CHRM3: variants seen among roughly 807,000 people sequenced by gnomAD.
CHRM3 encodes the protein cholinergic receptor muscarinic 3.
A neutral mutation model predicts 41.8 loss-of-function variants in CHRM3; 11 were observed. That is an observed-to-expected ratio of 0.26 (90% CI 0.17 to 0.44). The LOEUF is 0.44. Among genes scored for constraint, CHRM3 ranks in the 20% least tolerant of loss-of-function variants. The pLI, the probability that CHRM3 is intolerant of heterozygous loss-of-function variation, is 1.00. For missense variants in CHRM3, 571 were observed against 745.4 expected (o/e 0.77, Z 2.72); for synonymous variants, 297 against 301.4 (o/e 0.99, Z 0.15).
chr1:239,555,008 G>A (rs1427014579), intron 3 of CHRM3, among the ~76,000 whole-genome samples: 4 of 152,082 alleles, frequency 2.6e-5, no homozygotes, highest in South Asian at 4.1e-4. Context: ...GATTACAGGC[G>A]TAAGCCACCG....
intron 5 of CHRM3, among the ~76,000 whole-genome samples, chr1:239,810,483 A>G (rs1323533578): frequency 6.6e-6 from 1 of 152,142 alleles, no homozygotes; most frequent in Non-Finnish European, 1.5e-5. Context: ...GCTTCTCAAG[A>G]TCATTGAGGG....
At chr1:239,618,800 C>T (rs1285529277) in intron 3 of CHRM3, among the ~76,000 whole-genome samples, 28 of 139,822 alleles carry the variant, frequency 2.0e-4, no homozygotes, top group Admixed American at 1.7e-3. Flanking sequence ...GCCGAGATCG[C>T]GCCCCTGCAC....
At chr1:239,532,009 CTTT>C (rs34798101) in intron 2 of CHRM3, among the ~76,000 whole-genome samples, 134 of 76,312 alleles carry the variant, frequency 1.8e-3, no homozygotes, top group African/African-American at 6.2e-3. Context: ...TTCCTTCTTT[CTTT>C]TTTTTTTTTT....
chr1:239,718,088 G>A (rs1662573902), intron 5 of CHRM3, among the ~76,000 whole-genome samples: 1 of 151,986 alleles, frequency 6.6e-6, no homozygotes, highest in Non-Finnish European at 1.5e-5. Context: ...AGATGACAGT[G>A]CATGTTATAA....
rs879480870 is a variant in CHRM3 at position 239,642,015 on chromosome 1, C to T, written c.-250+9729C>T. ...GTCTGTAAAGAATTTTATTTCTCCT[C>T]CACTTATGAAGCTTAGTTTGGCTGG... On this transcript the variant is annotated intron_variant, in intron 4 of 6. Coordinates refer to ENST00000676153, the MANE Select transcript of CHRM3 (RefSeq NM_001375978.1). Among the ~76,000 whole-genome samples the T allele has an allele frequency of 3.4e-4, 43 of 126,508 alleles. 4 individuals carry two copies. Among genetic ancestry groups the T allele is most frequent in the African/African-American group, 8.6e-4 (27 of 31,454 alleles). The allele number at this position is 126,508 out of a possible 152,430, so 83.0% of individuals were successfully genotyped here.
intron 4 of CHRM3, among the ~76,000 whole-genome samples, chr1:239,649,638 C>T (rs1672061327): frequency 6.6e-6 from 1 of 151,932 alleles, no homozygotes; most frequent in Admixed American, 6.6e-5. Flanking sequence ...GATATCAAAG[C>T]CTGTTTGTGA....
intron 6 of CHRM3, among the ~76,000 whole-genome samples, chr1:239,871,081 CA>C (rs1676539544): frequency 6.6e-6 from 1 of 152,036 alleles, no homozygotes; most frequent in African/African-American, 2.4e-5. Flanking sequence ...GGAATCACTC[CA>C]AACTAGCGAC....
At chr1:239,679,008 CATAG>C (rs1362671867) in intron 5 of CHRM3, among the ~76,000 whole-genome samples, 3 of 126,678 alleles carry the variant, frequency 2.4e-5, no homozygotes, top group Non-Finnish European at 3.4e-5. Context: ...GAGTATGTAA[CATAG>C]ATAGGTAGAT....
intron 4 of CHRM3, among the ~76,000 whole-genome samples, chr1:239,658,557 A>G (rs187450600): frequency 1.4e-3 from 208 of 152,290 alleles, no homozygotes; most frequent in South Asian, 4.2e-3. Context: ...CAGACTTTAC[A>G]TCTTGATTAT....
chr1:239,801,041 A>G (rs1463064272), intron 5 of CHRM3, among the ~76,000 whole-genome samples: 1 of 152,174 alleles, frequency 6.6e-6, no homozygotes, highest in Non-Finnish European at 1.5e-5. Context: ...TAATGAGGAA[A>G]CGGGGTGCCA....
chr1:239,646,078 A>T (rs1451508083), intron 4 of CHRM3, among the ~76,000 whole-genome samples: 2 of 152,220 alleles, frequency 1.3e-5, no homozygotes, highest in African/African-American at 4.8e-5. Context: ...GAAAAAAAGA[A>T]CTTACAATTT....
rs570640305 is a variant in CHRM3 at position 239,769,318 on chromosome 1, A to G, written c.-146-57934A>G. Among the ~76,000 whole-genome samples the G allele has an allele frequency of 7.2e-5, 11 of 152,310 alleles. No homozygotes were observed. In the East Asian group the frequency reaches 2.1e-3, roughly 29 times the overall value. On this transcript the variant is annotated intron_variant, in intron 5 of 6. Coordinates refer to ENST00000676153, the MANE Select transcript of CHRM3 (RefSeq NM_001375978.1). ...GGATATGATCTCAAAGGTCTCAGGC[A>G]AAGGCATTGATGTTATTGTTATGTC...
chr1:239,896,566 C>T (rs6684778), intron 6 of CHRM3, among the ~76,000 whole-genome samples: 30,745 of 152,018 alleles, frequency 0.2, 4,892 homozygotes, highest in African/African-American at 0.44. Flanking sequence ...TGGAGTTTGC[C>T]TCATTAATTA....
At chr1:239,836,704 G>A (rs974475469) in intron 6 of CHRM3, among the ~76,000 whole-genome samples, 8 of 152,136 alleles carry the variant, frequency 5.3e-5, no homozygotes, top group South Asian at 4.1e-4. Context: ...GGGGCCTGGC[G>A]TGGTGGCTCA....
chr1:239,633,247 A>C (rs1670062435), intron 4 of CHRM3, among the ~76,000 whole-genome samples: 1 of 152,192 alleles, frequency 6.6e-6, no homozygotes, highest in South Asian at 2.1e-4. Context: ...CTGGGATTAC[A>C]GGCGTGAGCC....
At chr1:239,397,169 A>G (rs1319122) in intron 1 of CHRM3, among the ~76,000 whole-genome samples, 2 of 152,028 alleles carry the variant, frequency 1.3e-5, no homozygotes, top group African/African-American at 4.8e-5. Context: ...ATCTTTGATG[A>G]CAAGTTAAAA....
intron 4 of CHRM3, among the ~76,000 whole-genome samples, chr1:239,665,127 T>C (rs1487982395): frequency 6.7e-6 from 1 of 148,844 alleles, no homozygotes; most frequent in Admixed American, 6.7e-5. Context: ...TGATTTCTTA[T>C]GCTGGCATTT....
chr1:239,859,888 C>T (rs1289460257), intron 6 of CHRM3, among the ~76,000 whole-genome samples: 3 of 139,136 alleles, frequency 2.2e-5, no homozygotes, highest in African/African-American at 8.4e-5. Flanking sequence ...TATTATTATA[C>T]GTAAAGCATG....
At chr1:239,438,650 T>C (rs1017048290) in intron 1 of CHRM3, among the ~76,000 whole-genome samples, 1 of 152,194 alleles carries the variant, frequency 6.6e-6, no homozygotes, top group Non-Finnish European at 1.5e-5. Context: ...TTTGGGAGGC[T>C]TTCATGGACT....
Sources: gnomAD v4.1 joint callset for allele counts (sites outside exome capture counted in the v4.1 genomes callset) on GRCh38, gnomAD v4.1.1 for gene constraint, MANE v1.5 for transcripts, NCBI Gene and HGNC (gene_info 2026-07-23, HGNC 2026-07-21) for gene names.